LRP1B: variants seen among roughly 807,000 people sequenced by gnomAD.
LRP1B encodes the protein low-density lipoprotein receptor-related protein 1B.
In LRP1B, 217 loss-of-function variants were observed where a neutral mutation model predicts 556.6. That is an observed-to-expected ratio of 0.39 (90% CI 0.35 to 0.44). The LOEUF (loss-of-function observed/expected upper bound fraction) is 0.44. LRP1B is among the 20% of genes least tolerant of loss of function. The pLI, the probability that LRP1B is intolerant of heterozygous loss-of-function variation, is 1.00. For synonymous variants in LRP1B, 2,047 were observed against 1,865.8 expected, an observed-to-expected ratio of 1.10 and a Z score of -2.50; for missense variants, 5,053 against 5,620.8, an observed-to-expected ratio of 0.90 and a Z score of 3.23.
chr2:140,500,111 T>C (rs182781279), intron 55 of LRP1B, among the ~76,000 whole-genome samples: 17 of 152,128 alleles, frequency 1.1e-4, no homozygotes, highest in African/African-American at 3.8e-4. Context: ...TCTTTCTGCC[T>C]GTAATATATT....
chr2:140,849,609 G>C (rs2105115984), intron 29 of LRP1B, among the ~76,000 whole-genome samples: 1 of 151,876 alleles, frequency 6.6e-6, no homozygotes, highest in South Asian at 2.1e-4. Flanking sequence ...ACATGATCTT[G>C]GTTCACTGCA....
At chr2:141,877,674 G>C (rs948185672) in intron 1 of LRP1B, among the ~76,000 whole-genome samples, 7 of 151,800 alleles carry the variant, frequency 4.6e-5, no homozygotes, top group Admixed American at 2.6e-4. Context: ...GGTCTTGTTT[G>C]TTACAGCAGT....
chr2:141,335,436 A>G (rs1687813002), intron 3 of LRP1B, among the ~76,000 whole-genome samples: 1 of 152,212 alleles, frequency 6.6e-6, no homozygotes, highest in Non-Finnish European at 1.5e-5. Flanking sequence ...TATGGCAGAG[A>G]AGGCTGAAAT....
intron 2 of LRP1B, among the ~76,000 whole-genome samples, chr2:141,538,635 CTTCTT>C (rs1685142840): frequency 1.3e-4 from 8 of 63,256 alleles, no homozygotes; most frequent in Non-Finnish European, 2.9e-4. Flanking sequence ...CTGAAAAAAA[CTTCTT>C]TTTTTTTTTT....
At chr2:141,855,129 T>C (rs910912791) in intron 1 of LRP1B, among the ~76,000 whole-genome samples, 3 of 151,984 alleles carry the variant, frequency 2.0e-5, no homozygotes, top group Admixed American at 6.6e-5. Context: ...ATCTGACAGG[T>C]TGTGTGAACA....
In LRP1B at chr2:141,778,958, A is replaced by G. The variant is rs114157097; in HGVS notation, c.205+31321T>C. 1.7e-3 allele frequency among the ~76,000 whole-genome samples: 262 copies of G among 152,288 alleles called. 1 individual carries two copies. Among genetic ancestry groups the G allele is most frequent in the Non-Finnish European group, 3.2e-3 (220 of 68,028 alleles). ...AGTGGGTGGACAGGTAGGGAAAAAG[A>G]TTTCATAGCCATTATGTCTTACTAT... is the stretch of plus-strand genomic sequence containing the variant. On this transcript the variant is annotated intron_variant, in intron 2 of 90. Coordinates refer to ENST00000389484, the MANE Select transcript of LRP1B (RefSeq NM_018557.3).
At chr2:141,797,447 A>G (rs751371168) in intron 2 of LRP1B, among the ~76,000 whole-genome samples, 7 of 151,930 alleles carry the variant, frequency 4.6e-5, no homozygotes, top group African/African-American at 9.7e-5. Flanking sequence ...GGAAAATCCA[A>G]TATAAGGTTT....
Position 141,018,183 on chromosome 2 carries a change from A to G in LRP1B, c.1970+1739T>C, listed in dbSNP as rs1697962221. ...CATAGGTTAATCTGGCCTTCTGCTA[A>G]TATAGCAAGAAAAATTCTACCCTTT... On this transcript the variant is annotated intron_variant, in intron 12 of 90. Transcript: ENST00000389484. Among the ~76,000 whole-genome samples the G allele has an allele frequency of 3.9e-5, 6 of 152,212 alleles. No homozygotes were observed. The South Asian group carries it at 1.2e-3, about 32-fold the overall frequency.
intron 2 of LRP1B, among the ~76,000 whole-genome samples, chr2:141,743,191 T>C (rs942162817): frequency 5.3e-5 from 8 of 152,168 alleles, no homozygotes; most frequent in African/African-American, 1.9e-4. Flanking sequence ...ATTGAAATAA[T>C]CATATGGTGT....
intron 51 of LRP1B, among the ~76,000 whole-genome samples, chr2:140,510,296 T>C (rs1197412804): frequency 1.3e-5 from 2 of 152,162 alleles, no homozygotes; most frequent in African/African-American, 4.8e-5. Flanking sequence ...TGGTAGAAAA[T>C]AATGTACTTT....
intron 41 of LRP1B, among the ~76,000 whole-genome samples, chr2:140,669,289 T>C (rs1685398485): frequency 6.6e-6 from 1 of 152,212 alleles, no homozygotes; most frequent in South Asian, 2.1e-4. Context: ...AAAGTGTTAT[T>C]ATTTACACAC....
chr2:140,622,050 T>C (rs1683477256), intron 41 of LRP1B, among the ~76,000 whole-genome samples: 1 of 152,222 alleles, frequency 6.6e-6, no homozygotes, highest in Non-Finnish European at 1.5e-5. Context: ...ATTTTCTCAT[T>C]CAATTTATTT....
Position 140,543,282 on chromosome 2 carries a change from A to C in LRP1B, c.7195-1311T>G, listed in dbSNP as rs1221420813. On this transcript the variant is annotated intron_variant, in intron 43 of 90. Coordinates refer to ENST00000389484, the MANE Select transcript of LRP1B (RefSeq NM_018557.3). ...TAAGAAACTAGAAGAAAAGCAACTT[A>C]AAGTAATAAAAGGAAGAAACTAAAG... Among the ~76,000 whole-genome samples, 4 of 152,164 alleles carry C rather than the reference A, an allele frequency of 2.6e-5. No individual in the cohort carries two copies. In the East Asian group the frequency reaches 7.7e-4, roughly 29 times the overall value.
intron 2 of LRP1B, among the ~76,000 whole-genome samples, chr2:141,735,355 G>A (rs1270485202): frequency 6.6e-6 from 1 of 151,822 alleles, no homozygotes; most frequent in Non-Finnish European, 1.5e-5. Flanking sequence ...CCCTAAAGGG[G>A]GACTTGCCCG....
At chr2:142,073,048 T>C (rs1253761661) in intron 1 of LRP1B, among the ~76,000 whole-genome samples, 2 of 152,080 alleles carry the variant, frequency 1.3e-5, no homozygotes, top group African/African-American at 2.4e-5. Context: ...ATTATTTCCA[T>C]AGGAATTCAT....
At chr2:141,617,997 G>C (rs1688371357) in intron 2 of LRP1B, among the ~76,000 whole-genome samples, 1 of 152,048 alleles carries the variant, frequency 6.6e-6, no homozygotes, top group African/African-American at 2.4e-5. Context: ...GACATGCTGT[G>C]GCCCCTACTG....
At chr2:140,679,673 A>G (rs1442183871) in intron 41 of LRP1B, among the ~76,000 whole-genome samples, 1 of 151,986 alleles carries the variant, frequency 6.6e-6, no homozygotes, top group Non-Finnish European at 1.5e-5. Flanking sequence ...AGTTTCAACG[A>G]CCCCTTTATT....
intron 67 of LRP1B, among the ~76,000 whole-genome samples, chr2:140,379,082 A>G (rs906573660): frequency 3.9e-5 from 6 of 152,216 alleles, no homozygotes; most frequent in African/African-American, 1.4e-4. Context: ...AATCAATATG[A>G]CTGCTGGATA....
intron 8 of LRP1B, among the ~76,000 whole-genome samples, chr2:141,059,685 T>C (rs189824147): frequency 1.3e-5 from 2 of 151,802 alleles, no homozygotes; most frequent in African/African-American, 4.8e-5. Context: ...AATAGAACAG[T>C]TTCTTTTGAG....
Sources: allele counts gnomAD v4.1 joint callset (sites outside exome capture counted in the v4.1 genomes callset), GRCh38; gene constraint gnomAD v4.1.1; transcripts MANE v1.5; gene names NCBI Gene and HGNC (gene_info 2026-07-23, HGNC 2026-07-21).